The following VPS33A variants were observed in gnomAD, a reference collection of about 807,000 sequenced individuals.
The protein encoded by VPS33A is vacuolar protein sorting-associated protein 33A.
VPS33A carries 32 observed loss-of-function variants against 71.8 expected under a neutral mutation model. The ratio of observed to expected loss-of-function variants is 0.45; its 90% CI spans 0.34 to 0.60. VPS33A has a LOEUF of 0.60. Ranked by LOEUF, VPS33A falls within the 20% of genes least tolerant of loss-of-function variation. The probability of loss-of-function intolerance (pLI) is 0.02; values close to 1 mark genes in which losing one functional copy is unlikely to be tolerated. For missense variants in VPS33A, 625 were observed against 748.5 expected (o/e 0.84, Z 1.92); for synonymous variants, 311 against 292.7 (o/e 1.06, Z -0.64).
At chr12:122,258,867 T>C (rs1954952423) in intron 4 of VPS33A, among the ~76,000 whole-genome samples, 1 of 150,840 alleles carries the variant, frequency 6.6e-6, no homozygotes, top group African/African-American at 2.5e-5. Flanking sequence ...TGTAATCCCA[T>C]CTACTCAGGA....
intron 11 of VPS33A, 105 bp downstream of exon 11, chr12:122,235,681 T>C (rs1954620677): frequency 1.4e-6 from 2 of 1,415,296 alleles, no homozygotes; most frequent in South Asian, 1.5e-5. Context: ...ATTAGAAAAT[T>C]GTTTTCAGAA....
chr12:122,263,529 T>C, intron 3 of VPS33A, 43 bp downstream of exon 3: 1 of 1,551,282 alleles, frequency 6.4e-7, no homozygotes, highest in East Asian at 2.3e-5. Flanking sequence ...AAAAGCATTA[T>C]AAGAACCAAA....
At position 122,232,160 on chromosome 12, in the gene VPS33A, T is replaced by C; in HGVS notation, c.*86A>G. 6 of 1,277,778 alleles carry C rather than the reference T, an allele frequency of 4.7e-6. No individual in the cohort carries two copies. The highest frequency in any genetic ancestry group is 6.5e-6 in the Non-Finnish European group (6 of 923,242). The allele number at this position is 1,277,778 out of a possible 1,614,324, so 79.2% of individuals were successfully genotyped here. On this transcript the variant is annotated 3_prime_UTR_variant, in exon 13 of 13. Coordinates refer to ENST00000267199, the MANE Select transcript of VPS33A (RefSeq NM_022916.6). ...AATATATTCTGTATTCCCATGTTTC[T>C]TCTATGGGGTTTTACTTCCTTTCAG...
chr12:122,242,265 G>C, intron 8 of VPS33A, 117 bp downstream of exon 8: 1 of 1,228,678 alleles, frequency 8.1e-7, no homozygotes, highest in Non-Finnish European at 1.1e-6. Flanking sequence ...AAGAACACGT[G>C]GTATTAAGAC....
At chr12:122,238,839 A>T in intron 9 of VPS33A, 115 bp from the exon 10 acceptor site, 5 of 1,163,334 alleles carry the variant, frequency 4.3e-6, no homozygotes, top group Non-Finnish European at 6.0e-6. Flanking sequence ...CTTGATGTTT[A>T]TTATTATTTT....
intron 7 of VPS33A, among the ~76,000 whole-genome samples, chr12:122,243,884 C>T (rs1484245471): frequency 6.6e-6 from 1 of 152,112 alleles, no homozygotes; most frequent in East Asian, 1.9e-4. Context: ...TGTACCACTA[C>T]ACCCATCCTG....
intron 8 of VPS33A, among the ~76,000 whole-genome samples, chr12:122,241,918 T>C (rs1011765533): frequency 6.6e-6 from 1 of 150,664 alleles, no homozygotes; most frequent in Non-Finnish European, 1.5e-5. Context: ...CTTTTTGTTT[T>C]GTTTTTCGAG....
chr12:122,263,532 G>A, intron 3 of VPS33A, 40 bp downstream of exon 3: 1 of 1,554,974 alleles, frequency 6.4e-7, no homozygotes. Flanking sequence ...AGCATTATAA[G>A]AACCAAACTC....
intron 1 of VPS33A, 107 bp from the exon 2 acceptor site, chr12:122,264,306 T>G: frequency 1.4e-6 from 1 of 737,002 alleles, no homozygotes; most frequent in African/African-American, 1.8e-5. Context: ...AATTCTGAGT[T>G]AAAAAATTTT....
chr12:122,234,263 T>C (rs1481984273), intron 11 of VPS33A, among the ~76,000 whole-genome samples: 4 of 152,152 alleles, frequency 2.6e-5, no homozygotes, highest in African/African-American at 9.6e-5. Context: ...TGCTTTTGCA[T>C]AGCTTTTTTT....
rs1954538296 is a variant in VPS33A, at chr12:122,229,975, T to C, written c.*2271A>G. ...CCAGGGAGACTTGACCAGACTTGAA[T>C]TGAGCCCCAGGAACCAAAAAATGGA... On this transcript the variant is annotated 3_prime_UTR_variant, in exon 13 of 13. Transcript: ENST00000267199. 1 of 152,102 alleles carries C rather than the reference T, an allele frequency of 6.6e-6. No individual in the cohort carries two copies. Among genetic ancestry groups the C allele is most frequent in the African/African-American group, 2.4e-5 (1 of 41,412 alleles). 9.4% of individuals were successfully genotyped at this position (152,102 alleles called of 1,614,324 possible).
chr12:122,263,129 A>G (rs1955020524), intron 3 of VPS33A, among the ~76,000 whole-genome samples: 1 of 151,194 alleles, frequency 6.6e-6, no homozygotes, highest in South Asian at 2.1e-4. Flanking sequence ...AGTAGCTGGG[A>G]CTACAGGCAC....
intron 3 of VPS33A, among the ~76,000 whole-genome samples, 191 bp from the exon 4 acceptor site, chr12:122,261,638 G>A (rs1954996837): frequency 6.6e-6 from 1 of 152,152 alleles, no homozygotes; most frequent in Admixed American, 6.5e-5. Flanking sequence ...GGAGGCCAAG[G>A]CGGGCGGATC....
In VPS33A at chr12:122,263,662, T is replaced by C. The variant is rs764902316; in HGVS notation, c.206A>G (p.Asn69Ser). ...CTTCACATCAGCTGCCGGCAAACGA[T>C]TTCCTTTAAGTGTGAACATTTTTTC... ...EVEKMFTLKG[N>S]RLPAADVKNI... Residue 69 changes from asparagine (N) to serine (S), a missense_variant, in exon 3 of 13, where the codon AAT (asparagine) becomes AGT (serine). Physicochemically the swap from Asn to Ser is conservative, Grantham distance 46. Transcript: ENST00000267199. The C allele has an allele frequency of 1.9e-6, 3 of 1,613,214 alleles. No homozygotes were observed. Among genetic ancestry groups the C allele is most frequent in the South Asian group, 2.2e-5 (2 of 91,030 alleles).
chr12:122,261,414 A>G lies in VPS33A; in HGVS notation c.330T>C (p.His110=), dbSNP rs1397139895. The stretch of plus-strand genomic sequence containing the variant: ...GGCTACGGCGTGGCACAAACAGAAT[A>G]TGAAAATCTCTCGTTGGGCCTCGTC... ...EDRRGPTRDF[H]ILFVPRRSLL... is the part of the protein sequence containing the mutation. The change falls in exon 4 of 13, where the codon CAT becomes CAC. Residue 110 remains histidine, a synonymous_variant. Coordinates refer to ENST00000267199, the MANE Select transcript of VPS33A (RefSeq NM_022916.6). The G allele has an allele frequency of 1.2e-6, 2 of 1,613,712 alleles. No individual in the cohort carries two copies. Among genetic ancestry groups the G allele is most frequent in the Non-Finnish European group, 1.7e-6 (2 of 1,179,956 alleles).
intron 4 of VPS33A, among the ~76,000 whole-genome samples, chr12:122,257,849 A>G (rs1234792023): frequency 3.3e-5 from 5 of 152,124 alleles, no homozygotes; most frequent in Non-Finnish European, 5.9e-5. Context: ...GTACTGGCAT[A>G]AGGACGGACA....
intron 6 of VPS33A, chr12:122,249,307 C>A (rs1954814942): frequency 6.6e-6 from 1 of 152,134 alleles, no homozygotes; most frequent in African/African-American, 2.4e-5. Flanking sequence ...ACTGCAACCT[C>A]CTCCTCCCGG....
chr12:122,236,172 G>A (rs747220469), intron 10 of VPS33A, among the ~76,000 whole-genome samples: 8 of 151,998 alleles, frequency 5.3e-5, no homozygotes, highest in Non-Finnish European at 8.8e-5. Flanking sequence ...TTTAAAGTCA[G>A]AATTTATGGA....
chr12:122,239,775 A>AAAAAAAAAAAAAAAAAAAAG (rs1954688286), intron 9 of VPS33A, 103 bp downstream of exon 9: 1 of 622,980 alleles, frequency 1.6e-6, no homozygotes, highest in Non-Finnish European at 2.6e-6. Flanking sequence ...AAAAAAAAAA[A>AAAAAAAAAAAAAAAAAAAAG]AAAAGGCAAG....
Sources: allele counts gnomAD v4.1 joint callset (sites outside exome capture counted in the v4.1 genomes callset), GRCh38; gene constraint gnomAD v4.1.1; transcripts MANE v1.5; gene names NCBI Gene and HGNC (gene_info 2026-07-23, HGNC 2026-07-21).